Variants in RIMS2 observed in about 807,000 individuals in gnomAD.
The protein encoded by RIMS2 is regulating synaptic membrane exocytosis 2.
In RIMS2, 59 loss-of-function variants were observed where a neutral mutation model predicts 174.4. The observed-to-expected ratio is 0.34, with a 90% CI of 0.27 to 0.42. The LOEUF is 0.42. Ranked by LOEUF, RIMS2 falls within the 10% of genes least tolerant of loss-of-function variation. The pLI, the probability that RIMS2 is intolerant of heterozygous loss-of-function variation, is 1.00. For missense variants in RIMS2, 1,620 were observed against 1,666.3 expected, an observed-to-expected ratio of 0.97 and a Z score of 0.48; for synonymous variants, 606 against 572.5, an observed-to-expected ratio of 1.06 and a Z score of -0.84.
intron 19 of RIMS2, among the ~76,000 whole-genome samples, chr8:104,057,856 A>G (rs2096901144): frequency 6.6e-6 from 1 of 151,432 alleles, no homozygotes; most frequent in Non-Finnish European, 1.5e-5. Flanking sequence ...ACTGAGAATG[A>G]TGATTTCCAA....
intron 1 of RIMS2, among the ~76,000 whole-genome samples, chr8:103,595,892 C>A (rs1439087517): frequency 6.6e-6 from 1 of 151,836 alleles, no homozygotes; most frequent in African/African-American, 2.4e-5. Context: ...GAATAAACAG[C>A]GGGAGGTTTT....
intron 17 of RIMS2, among the ~76,000 whole-genome samples, chr8:103,995,415 A>G (rs1379477168): frequency 6.6e-6 from 1 of 152,116 alleles, no homozygotes; most frequent in Non-Finnish European, 1.5e-5. Flanking sequence ...AAGGCATCAC[A>G]GAGAAGTTGG....
At chr8:104,089,829 GTATTTTGAATATAT>G (rs1435381664) in intron 19 of RIMS2, among the ~76,000 whole-genome samples, 4 of 151,532 alleles carry the variant, frequency 2.6e-5, no homozygotes, top group Admixed American at 6.6e-5. Context: ...ATATTATTAT[GTATTTTGAATATAT>G]TATTTTGAAT....
At chr8:103,959,479 G>GT (rs2089030299) in intron 14 of RIMS2, among the ~76,000 whole-genome samples, 1 of 151,894 alleles carries the variant, frequency 6.6e-6, no homozygotes, top group African/African-American at 2.4e-5. Flanking sequence ...CTGTAGTGCA[G>GT]TGGCGTGATC....
chr8:103,603,787 A>T (rs1470671080), intron 1 of RIMS2, among the ~76,000 whole-genome samples: 23 of 148,560 alleles, frequency 1.5e-4, no homozygotes, highest in Non-Finnish European at 1.5e-5. Flanking sequence ...TTGGCTGCAT[A>T]AATGTCTTCT....
chr8:103,606,752 A>G (rs867841387), intron 1 of RIMS2, among the ~76,000 whole-genome samples: 1,673 of 151,798 alleles, frequency 0.011, 37 homozygotes, highest in African/African-American at 0.038. Context: ...TTACCATTAT[A>G]TAATGGCCTT....
chr8:103,862,697 G>A (rs576240778), intron 3 of RIMS2, among the ~76,000 whole-genome samples: 1 of 152,030 alleles, frequency 6.6e-6, no homozygotes, highest in East Asian at 1.9e-4. Flanking sequence ...TCTTTGTTAA[G>A]TGTATTCCTA....
At chr8:103,603,103 C>T (rs895793368) in intron 1 of RIMS2, among the ~76,000 whole-genome samples, 5 of 150,306 alleles carry the variant, frequency 3.3e-5, no homozygotes, top group African/African-American at 1.2e-4. Context: ...CCCACTAACT[C>T]GTCATCTAGC....
At chr8:103,823,341 G>C (rs1284238692) in intron 3 of RIMS2, among the ~76,000 whole-genome samples, 1 of 151,486 alleles carries the variant, frequency 6.6e-6, no homozygotes, top group Non-Finnish European at 1.5e-5. Context: ...TTTTTCAATT[G>C]CAAGTAAGAT....
intron 19 of RIMS2, among the ~76,000 whole-genome samples, chr8:104,230,465 G>A (rs191253607): frequency 1.8e-3 from 278 of 151,844 alleles, no homozygotes; most frequent in African/African-American, 6.2e-3. Context: ...GGGCAACATG[G>A]TGAAATCCTG....
chr8:103,776,317 G>C (rs184004309), intron 3 of RIMS2, among the ~76,000 whole-genome samples: 69 of 152,162 alleles, frequency 4.5e-4, no homozygotes, highest in African/African-American at 1.6e-3. Flanking sequence ...TGGTGGTGGT[G>C]GTAGAAGTAT....
chr8:103,676,465 T>A (rs1039941495), intron 1 of RIMS2, among the ~76,000 whole-genome samples: 2 of 152,176 alleles, frequency 1.3e-5, no homozygotes, highest in Admixed American at 1.3e-4. Context: ...AAACACTTTA[T>A]CCAGAATAGC....
At chr8:103,590,426 C>G (rs1428506592) in intron 1 of RIMS2, among the ~76,000 whole-genome samples, 1 of 151,244 alleles carries the variant, frequency 6.6e-6, no homozygotes, top group East Asian at 1.9e-4. Context: ...TGTTTTAATG[C>G]CTTAACATTG....
chr8:103,983,492 A>C lies in RIMS2; in HGVS notation c.2928-5813A>C, dbSNP rs558783838. Among the ~76,000 whole-genome samples the C allele has an allele frequency of 6.6e-5, 10 of 152,318 alleles. No homozygotes were observed. In the South Asian group the frequency reaches 1.0e-3, roughly 16 times the overall value. On this transcript the variant is annotated intron_variant, in intron 16 of 23. Transcript: ENST00000504942. ...TGAAGGAATCACATTGCCTTTCTTC[A>C]AATTATACTACAGCGCTATAGTAAC...
intron 19 of RIMS2, among the ~76,000 whole-genome samples, chr8:104,140,308 C>G (rs2098555421): frequency 1.3e-5 from 2 of 152,208 alleles, no homozygotes; most frequent in South Asian, 4.1e-4. Flanking sequence ...TAAAGCTTTT[C>G]TCATCTCTGA....
intron 13 of RIMS2, 125 bp from the exon 16 acceptor site, chr8:103,942,648 A>T: frequency 1.5e-6 from 1 of 675,018 alleles, no homozygotes; most frequent in Non-Finnish European, 2.4e-6. Flanking sequence ...CAACGTCTAA[A>T]TGACCTTGTT....
At chr8:103,626,306 C>T (rs752739484) in intron 1 of RIMS2, among the ~76,000 whole-genome samples, 18 of 152,100 alleles carry the variant, frequency 1.2e-4, no homozygotes, top group Non-Finnish European at 2.2e-4. Flanking sequence ...CTGTTACCAA[C>T]TAATTACAAT....
At chr8:103,699,110 G>T (rs2097140111) in intron 2 of RIMS2, among the ~76,000 whole-genome samples, 1 of 152,156 alleles carries the variant, frequency 6.6e-6, no homozygotes, top group Non-Finnish European at 1.5e-5. Flanking sequence ...ATAAATAGCT[G>T]AATTTATTGG....
At chr8:104,060,523 C>T (rs1316425155) in intron 19 of RIMS2, among the ~76,000 whole-genome samples, 1 of 151,582 alleles carries the variant, frequency 6.6e-6, no homozygotes, top group Admixed American at 6.6e-5. Context: ...AAAACCAGCT[C>T]CTGGATTCAT....
Sources: allele counts gnomAD v4.1 joint callset (sites outside exome capture counted in the v4.1 genomes callset), GRCh38; gene constraint gnomAD v4.1.1; transcripts MANE v1.5; gene names NCBI Gene and HGNC (gene_info 2026-07-23, HGNC 2026-07-21).